Variants in XKR6 observed in about 807,000 individuals in gnomAD.
XKR6 encodes XK-related protein 6.
Under a neutral mutation model 56.7 loss-of-function variants are expected in XKR6, and 22 were observed. The observed-to-expected ratio is 0.39, with a 90% confidence interval of 0.28 to 0.55. The LOEUF (loss-of-function observed/expected upper bound fraction) is 0.55. Among genes scored for constraint, XKR6 ranks in the 20% least tolerant of loss-of-function variants. The probability of loss-of-function intolerance (pLI) is 0.66; values close to 1 mark genes in which losing one functional copy is unlikely to be tolerated. For synonymous variants in XKR6, 524 were observed against 387.8 expected (o/e 1.35, Z -4.13); for missense variants, 852 against 889.0 (o/e 0.96, Z 0.53).
chr8:11,030,026 C>G (rs554063712), intron 1 of XKR6, among the ~76,000 whole-genome samples: 1 of 152,254 alleles, frequency 6.6e-6, no homozygotes, highest in South Asian at 2.1e-4. Flanking sequence ...CTCCACAACC[C>G]GCTATGGCTC....
intron 1 of XKR6, among the ~76,000 whole-genome samples, chr8:10,974,604 G>A (rs900476275): frequency 6.6e-6 from 1 of 152,232 alleles, no homozygotes; most frequent in East Asian, 1.9e-4. Flanking sequence ...TGAGGAAGAG[G>A]TGACAGTGAG....
chr8:11,068,749 T>C (rs1363578064), intron 1 of XKR6, among the ~76,000 whole-genome samples: 2 of 152,184 alleles, frequency 1.3e-5, no homozygotes, highest in Admixed American at 1.3e-4. Flanking sequence ...CCCAGCCAGC[T>C]GGACACTGAT....
rs962406044 is a variant in XKR6 at position 11,200,361 on chromosome 8, G to T, written c.764+215C>A. Among the ~76,000 whole-genome samples, 2 of 152,246 alleles carry T rather than the reference G, an allele frequency of 1.3e-5. No individual in the cohort carries two copies. The highest frequency in any genetic ancestry group is 2.9e-5 in the Non-Finnish European group (2 of 68,034). On this transcript the variant is annotated intron_variant, in intron 1 of 2. Transcript: ENST00000416569. The surrounding 1 kb of genome is among the most constrained non-coding windows in gnomAD (Gnocchi z 6.4). ...CCGAGTGCGAAGCGGGGACGAGGAC[G>T]GGCCAACGGCAGGTCTCGGCCTCCC...
At chr8:11,052,333 C>G (rs1483659944) in intron 1 of XKR6, among the ~76,000 whole-genome samples, 1 of 152,182 alleles carries the variant, frequency 6.6e-6, no homozygotes, top group Admixed American at 6.5e-5. Flanking sequence ...TATCTGTCCC[C>G]CAGCTCTTGT....
intron 1 of XKR6, among the ~76,000 whole-genome samples, chr8:11,062,266 G>T (rs1196945046): frequency 6.6e-6 from 1 of 152,106 alleles, no homozygotes; most frequent in African/African-American, 2.4e-5. Flanking sequence ...AGGCCTGGGA[G>T]CCAAGGCCAG....
intron 1 of XKR6, among the ~76,000 whole-genome samples, chr8:11,061,409 G>A (rs959471051): frequency 2.6e-5 from 4 of 152,044 alleles, no homozygotes; most frequent in African/African-American, 7.3e-5. Context: ...TGAGGATGCA[G>A]TGAGTTGTGA....
At chr8:10,984,732 C>CGCTATATATATATATATATA (rs1554519602) in intron 1 of XKR6, among the ~76,000 whole-genome samples, 2 of 47,494 alleles carry the variant, frequency 4.2e-5, no homozygotes, top group South Asian at 8.7e-4. Flanking sequence ...CTCTCTCTCT[C>CGCTATATATATATATATATA]TATATATATA....
At chr8:10,982,570 A>G (rs1362959017) in intron 1 of XKR6, among the ~76,000 whole-genome samples, 1 of 152,172 alleles carries the variant, frequency 6.6e-6, no homozygotes, top group Admixed American at 6.5e-5. Context: ...CTAAGGGAAA[A>G]CGGGAGAAAT....
intron 1 of XKR6, among the ~76,000 whole-genome samples, chr8:11,180,475 C>A (rs1341172431): frequency 1.3e-5 from 2 of 152,202 alleles, no homozygotes; most frequent in Non-Finnish European, 2.9e-5. Context: ...ACAACCAGTC[C>A]CTAGACATGC....
chr8:10,994,377 C>T (rs1454109209), intron 1 of XKR6, among the ~76,000 whole-genome samples: 2 of 152,192 alleles, frequency 1.3e-5, no homozygotes, highest in Non-Finnish European at 2.9e-5. Flanking sequence ...GGATGTGACA[C>T]CCCCCATGCA....
At chr8:11,147,325 C>T (rs999680349) in intron 1 of XKR6, among the ~76,000 whole-genome samples, 6 of 152,084 alleles carry the variant, frequency 3.9e-5, no homozygotes, top group Non-Finnish European at 5.9e-5. Context: ...AGCCAAACAA[C>T]TCAAAACATG....
intron 2 of XKR6, among the ~76,000 whole-genome samples, chr8:10,913,321 C>T (rs1381973408): frequency 6.6e-6 from 1 of 152,060 alleles, no homozygotes; most frequent in Non-Finnish European, 1.5e-5. Context: ...GGGTCCCCAG[C>T]ATCCTCTGTG....
intron 1 of XKR6, among the ~76,000 whole-genome samples, chr8:11,086,494 A>G (rs1797896320): frequency 6.6e-6 from 1 of 152,218 alleles, no homozygotes; most frequent in Non-Finnish European, 1.5e-5. Flanking sequence ...ACAGCCATGG[A>G]AAGTCATTCC....
chr8:10,919,630 G>C (rs1346833726), intron 2 of XKR6, among the ~76,000 whole-genome samples: 1 of 152,196 alleles, frequency 6.6e-6, no homozygotes, highest in African/African-American at 2.4e-5. Context: ...CTAATTTACA[G>C]ATGAGGAAAC....
chr8:11,075,947 T>C (rs543801957), intron 1 of XKR6, among the ~76,000 whole-genome samples: 35 of 152,262 alleles, frequency 2.3e-4, no homozygotes, highest in African/African-American at 7.9e-4. Context: ...TGATTCTCAA[T>C]AGCCAAAAGA....
At chr8:11,082,054 G>A (rs1488952959) in intron 1 of XKR6, among the ~76,000 whole-genome samples, 1 of 152,230 alleles carries the variant, frequency 6.6e-6, no homozygotes, top group Non-Finnish European at 1.5e-5. Flanking sequence ...CTAGCAGTCA[G>A]ACCAGGCTGG....
intron 1 of XKR6, among the ~76,000 whole-genome samples, chr8:11,047,852 T>G (rs1799448379): frequency 6.6e-6 from 1 of 152,232 alleles, no homozygotes; most frequent in South Asian, 2.1e-4. Context: ...CACTACATGA[T>G]CCCAGGAACA....
rs150672872 is a variant in XKR6, at chr8:10,898,693, G to A, written c.1185C>T (p.Cys395=). ...CATGGATGATCCAGAAGGCCATGGC[G>A]CACCAGTGAACCACCACGAAGATCC... The part of the protein sequence containing the change: ...YFGIFVVVHW[C]AMAFWIIHGG... Residue 395 remains cysteine (C), a synonymous_variant, in exon 3 of 3, where the codon TGC becomes TGT. Coordinates refer to ENST00000416569, the MANE Select transcript of XKR6 (RefSeq NM_173683.4). The surrounding 1 kb of genome is among the most constrained non-coding windows in gnomAD (Gnocchi z 6.6). 3.5e-5 allele frequency: 56 copies of A among 1,613,980 alleles called. No homozygotes were observed. The highest frequency in any genetic ancestry group is 6.7e-5 in the African/African-American group (5 of 74,886).
At chr8:11,133,152 G>C (rs535348958) in intron 1 of XKR6, among the ~76,000 whole-genome samples, 39 of 152,112 alleles carry the variant, frequency 2.6e-4, no homozygotes, top group Admixed American at 8.5e-4. Flanking sequence ...ACGAGGAATT[G>C]AAACCTAAAC....
Sources: allele counts gnomAD v4.1 joint callset (sites outside exome capture counted in the v4.1 genomes callset), GRCh38; gene constraint gnomAD v4.1.1; non-coding constraint Gnocchi (gnomAD v3.1); transcripts MANE v1.5; gene names NCBI Gene and HGNC (gene_info 2026-07-23, HGNC 2026-07-21).